The following CCDC13 variants were observed in gnomAD, a reference collection of about 807,000 sequenced individuals.
CCDC13 encodes coiled-coil domain containing 13.
In CCDC13, 70 loss-of-function variants were observed where a neutral mutation model predicts 87.3. The observed-to-expected ratio is 0.80, with a 90% confidence interval of 0.66 to 0.98. CCDC13 has a LOEUF of 0.98. Ranked by LOEUF, CCDC13 falls within the 50% of genes least tolerant of loss-of-function variation. The pLI is 0.00. For synonymous variants in CCDC13, 317 were observed against 360.3 expected, an observed-to-expected ratio of 0.88 and a Z score of 1.36; for missense variants, 842 against 892.0, an observed-to-expected ratio of 0.94 and a Z score of 0.71.
intron 13 of CCDC13, among the ~76,000 whole-genome samples, chr3:42,717,741 T>C (rs1303198508): frequency 6.6e-6 from 1 of 152,260 alleles, no homozygotes; most frequent in South Asian, 2.1e-4. Flanking sequence ...GTGTCTTACA[T>C]GGCTGAAGTC....
intron 7 of CCDC13, among the ~76,000 whole-genome samples, chr3:42,744,692 C>A (rs1233270095): frequency 6.6e-6 from 1 of 150,820 alleles, no homozygotes; most frequent in Non-Finnish European, 1.5e-5. Flanking sequence ...GTAGTCTCAG[C>A]TACTCAGGAG....
At chr3:42,714,664 G>C (rs1388693499) in intron 13 of CCDC13, among the ~76,000 whole-genome samples, 1 of 152,190 alleles carries the variant, frequency 6.6e-6, no homozygotes, top group Non-Finnish European at 1.5e-5. Context: ...GAAAATTAGA[G>C]GGGCAGCCTT....
At chr3:42,741,217 T>C (rs780738354) in intron 8 of CCDC13, 4 of 152,172 alleles carry the variant, frequency 2.6e-5, no homozygotes, top group Non-Finnish European at 5.9e-5. Context: ...CTCTTCCTCC[T>C]CATCTCTCTT....
intron 13 of CCDC13, among the ~76,000 whole-genome samples, chr3:42,716,335 A>G (rs1301417621): frequency 6.6e-6 from 1 of 152,226 alleles, no homozygotes; most frequent in Non-Finnish European, 1.5e-5. Context: ...CAATTCCACA[A>G]TATAGAAGAA....
intron 1 of CCDC13, among the ~76,000 whole-genome samples, chr3:42,761,456 GAC>G (rs1699830807): frequency 6.6e-6 from 1 of 152,132 alleles, no homozygotes; most frequent in African/African-American, 2.4e-5. Flanking sequence ...AGAGTCATCT[GAC>G]ACATTATATT....
rs373776391 is a variant in CCDC13, at chr3:42,728,524, C to T, written c.1718+1943G>A. ...ACATTAGTTAAAACGTTTAGTTTTACTTTAAAATAGTTCCTTTGGTTTAAT... is the reference window on the plus strand; with the variant it reads ...ACATTAGTTAAAACGTTTAGTTTTATTTTAAAATAGTTCCTTTGGTTTAAT... On this transcript the variant is annotated intron_variant, in intron 13 of 15. Coordinates refer to ENST00000310232, the MANE Select transcript of CCDC13 (RefSeq NM_144719.4). Among the ~76,000 whole-genome samples the T allele has an allele frequency of 4.6e-5, 7 of 152,178 alleles. No homozygotes were observed. In the East Asian group the frequency reaches 1.2e-3, roughly 25 times the overall value.
At chr3:42,770,061 G>A (rs565737214) in intron 1 of CCDC13, among the ~76,000 whole-genome samples, 5 of 152,372 alleles carry the variant, frequency 3.3e-5, no homozygotes, top group Middle Eastern at 3.4e-3. Flanking sequence ...GGCACACAGC[G>A]GGACTGGCCG....
intron 1 of CCDC13, among the ~76,000 whole-genome samples, chr3:42,771,321 G>A (rs1478437789): frequency 6.6e-6 from 1 of 152,184 alleles, no homozygotes; most frequent in Admixed American, 6.5e-5. Flanking sequence ...AATATCAGTG[G>A]TTTCCAGGGG....
At chr3:42,715,208 C>A (rs1370458142) in intron 13 of CCDC13, among the ~76,000 whole-genome samples, 1 of 151,302 alleles carries the variant, frequency 6.6e-6, no homozygotes, top group East Asian at 1.9e-4. Context: ...ATTTGGGAGG[C>A]TGAGGCAGGA....
intron 13 of CCDC13, among the ~76,000 whole-genome samples, chr3:42,723,565 G>A (rs1409470803): frequency 2.0e-5 from 3 of 152,076 alleles, no homozygotes; most frequent in Admixed American, 6.5e-5. Context: ...AAAAAAGAAA[G>A]AACATTAAAT....
chr3:42,756,740 T>C (rs1231429835), intron 3 of CCDC13, among the ~76,000 whole-genome samples: 1 of 152,100 alleles, frequency 6.6e-6, no homozygotes, highest in African/African-American at 2.4e-5. Flanking sequence ...GCCAGCCCCT[T>C]TACATGCTGC....
At position 42,739,751 on chromosome 3, in the gene CCDC13, G is replaced by A. The variant is rs779571155; in HGVS notation, c.1047C>T (p.Phe349=). ...QRELEELKKK[F]EGMRSRNKLL... is the part of the protein sequence containing the mutation. ...GCTTGTTCCGAGACCTCATGCCCTCGAACTTCTTTTTTAGCTCTTCAAGCT... is the reference window on the plus strand; with the variant it reads ...GCTTGTTCCGAGACCTCATGCCCTCAAACTTCTTTTTTAGCTCTTCAAGCT... The change falls in exon 9 of 16, where the codon TTC becomes TTT. Residue 349 remains phenylalanine (F), a synonymous_variant. Transcript: ENST00000310232. 33 of 1,613,994 alleles carry A rather than the reference G, an allele frequency of 2.0e-5. No homozygotes were observed. The highest frequency in any genetic ancestry group is 7.7e-5 in the South Asian group (7 of 91,080).
intron 8 of CCDC13, among the ~76,000 whole-genome samples, 172 bp downstream of exon 8, chr3:42,742,724 A>G (rs12054446): frequency 0.48 from 73,320 of 151,882 alleles, 17,772 homozygotes; most frequent in South Asian, 0.58. Context: ...AGGCAGCTCA[A>G]GTTGGTTTGA....
At chr3:42,716,308 G>A (rs571897537) in intron 13 of CCDC13, among the ~76,000 whole-genome samples, 52 of 151,284 alleles carry the variant, frequency 3.4e-4, no homozygotes, top group Non-Finnish European at 6.8e-4. Context: ...AGGAACCAAT[G>A]ATTTTTGCTA....
chr3:42,740,034 A>T (rs1014575692), intron 8 of CCDC13, among the ~76,000 whole-genome samples: 1 of 152,090 alleles, frequency 6.6e-6, no homozygotes, highest in Non-Finnish European at 1.5e-5. Flanking sequence ...ACATGACAGC[A>T]CTAACCCATG....
intron 7 of CCDC13, among the ~76,000 whole-genome samples, chr3:42,743,648 T>C (rs938188170): frequency 2.1e-5 from 3 of 145,150 alleles, no homozygotes; most frequent in African/African-American, 7.8e-5. Context: ...CACATAAATA[T>C]ATAAATATAA....
downstream of CCDC13, among the ~76,000 whole-genome samples, chr3:42,705,246 G>A (rs1046392626): frequency 1.3e-5 from 2 of 152,082 alleles, no homozygotes; most frequent in African/African-American, 4.8e-5. Context: ...TGGGGGTGGG[G>A]AGGAGAAGCT....
At chr3:42,770,080 G>T (rs190422199) in intron 1 of CCDC13, among the ~76,000 whole-genome samples, 1 of 152,258 alleles carries the variant, frequency 6.6e-6, no homozygotes, top group Non-Finnish European at 1.5e-5. Flanking sequence ...CGGCACCTCC[G>T]CCTGGGGCCC....
chr3:42,765,134 C>T (rs1699905100), intron 1 of CCDC13, among the ~76,000 whole-genome samples: 1 of 152,196 alleles, frequency 6.6e-6, no homozygotes, highest in Non-Finnish European at 1.5e-5. Flanking sequence ...GCTTTCGTTT[C>T]CCATTTGTAA....
Sources: gnomAD v4.1 joint callset for allele counts (sites outside exome capture counted in the v4.1 genomes callset) on GRCh38, gnomAD v4.1.1 for gene constraint, MANE v1.5 for transcripts, NCBI Gene and HGNC (gene_info 2026-07-23, HGNC 2026-07-21) for gene names.